The following ZFHX3 variants were observed in gnomAD, a reference collection of about 807,000 sequenced individuals.
The protein encoded by ZFHX3 is zinc finger homeobox 3, also known as zinc finger homeobox protein 3.
A neutral mutation model predicts 279.1 loss-of-function variants in ZFHX3; 42 were observed. The observed-to-expected ratio is 0.15, with a 90% CI of 0.12 to 0.19. ZFHX3 has a LOEUF of 0.19. ZFHX3 is among the 10% of genes least tolerant of loss of function. The pLI is 1.00. For missense variants in ZFHX3, 4,981 were observed against 4,754.0 expected, an observed-to-expected ratio of 1.05 and a Z score of -1.40; for synonymous variants, 2,293 against 1,957.8, an observed-to-expected ratio of 1.17 and a Z score of -4.52.
At chr16:73,186,637 A>G (rs1376207728) in intron 5 of ZFHX3, among the ~76,000 whole-genome samples, 1 of 152,000 alleles carries the variant, frequency 6.6e-6, no homozygotes, top group African/African-American at 2.4e-5. Flanking sequence ...TTCTTCATGA[A>G]AAACATATCT....
chr16:73,133,547 C>G (rs764224661), intron 6 of ZFHX3, among the ~76,000 whole-genome samples: 9 of 152,112 alleles, frequency 5.9e-5, no homozygotes, highest in Non-Finnish European at 1.3e-4. Flanking sequence ...GAGATTCGGA[C>G]ACAGACACAT....
rs185483232 is a variant in ZFHX3, at chr16:72,962,297, G to A, written c.-49-2103C>T. Among the ~76,000 whole-genome samples, 285 of 152,316 alleles carry A rather than the reference G, an allele frequency of 1.9e-3. 1 individual carries two copies. Among genetic ancestry groups the A allele is most frequent in the Non-Finnish European group, 3.2e-3 (217 of 68,038 alleles). ...TTAATTGGTGGGCTTCTCTTGCTCC[G>A]TTCTCCTCTTATTCCTCCTCCTCTT... On this transcript the variant is annotated intron_variant, in intron 1 of 9. Coordinates refer to ENST00000268489, the MANE Select transcript of ZFHX3 (RefSeq NM_006885.4).
At chr16:73,097,879 G>T (rs777770503) in intron 7 of ZFHX3, among the ~76,000 whole-genome samples, 1 of 152,040 alleles carries the variant, frequency 6.6e-6, no homozygotes, top group Non-Finnish European at 1.5e-5. Context: ...ATGTTTTCAA[G>T]GTTCATCCAT....
chr16:73,776,757 G>A (rs1432444384), intron 1 of ZFHX3, among the ~76,000 whole-genome samples: 1 of 152,096 alleles, frequency 6.6e-6, no homozygotes, highest in Non-Finnish European at 1.5e-5. Context: ...GTAAATCTCA[G>A]CCATGATTGC....
At chr16:73,496,069 A>G (rs563821394) in intron 2 of ZFHX3, among the ~76,000 whole-genome samples, 1 of 152,212 alleles carries the variant, frequency 6.6e-6, no homozygotes, top group Non-Finnish European at 1.5e-5. Context: ...CGGAGCACAC[A>G]TGGCTGATTT....
chr16:72,848,617 C>A lies in ZFHX3; in HGVS notation c.3449-18758G>T, dbSNP rs187163284. On this transcript the variant is annotated intron_variant, in intron 4 of 9. Transcript: ENST00000268489. The stretch of plus-strand genomic sequence containing the variant: ...CCTTCGGCGGCCTCCCAGGCTGGGT[C>A]TGCGGCCATCACCCTGTGCCCCCCC... Among the ~76,000 whole-genome samples, 4 of 152,006 alleles carry A rather than the reference C, an allele frequency of 2.6e-5. No homozygotes were observed. The East Asian group carries it at 7.8e-4, about 30-fold the overall frequency.
At chr16:73,483,418 A>G in intron 2 of ZFHX3, 1 of 455,418 alleles carries the variant, frequency 2.2e-6, no homozygotes, top group South Asian at 1.5e-5. Context: ...GGGCTGGAAG[A>G]AAAGATGAGA....
intron 1 of ZFHX3, among the ~76,000 whole-genome samples, chr16:73,724,123 G>T (rs932113047): frequency 6.6e-6 from 1 of 152,188 alleles, no homozygotes; most frequent in African/African-American, 2.4e-5. Context: ...AATAAGGTTA[G>T]GTGGAAAATA....
At chr16:73,057,081 T>C (rs1965571587) in intron 1 of ZFHX3, among the ~76,000 whole-genome samples, 1 of 152,108 alleles carries the variant, frequency 6.6e-6, no homozygotes, top group Non-Finnish European at 1.5e-5. Flanking sequence ...AAAAAGGCAA[T>C]CAGCATGCTC....
intron 3 of ZFHX3, among the ~76,000 whole-genome samples, chr16:73,339,799 T>C (rs2143253762): frequency 6.6e-6 from 1 of 152,304 alleles, no homozygotes; most frequent in African/African-American, 2.4e-5. Context: ...AGCATTTCTT[T>C]GGGGCATCAG....
chr16:73,286,294 T>A (rs2014594651), intron 4 of ZFHX3, among the ~76,000 whole-genome samples: 1 of 152,166 alleles, frequency 6.6e-6, no homozygotes. Context: ...AACCTGATTT[T>A]CAAAGCTGCA....
At chr16:73,676,614 A>G (rs1384514610) in intron 2 of ZFHX3, among the ~76,000 whole-genome samples, 1 of 151,998 alleles carries the variant, frequency 6.6e-6, no homozygotes, top group Non-Finnish European at 1.5e-5. Context: ...CAATAAGGCT[A>G]ATATTTTATT....
intron 5 of ZFHX3, among the ~76,000 whole-genome samples, chr16:73,243,457 T>A (rs2013185833): frequency 6.6e-6 from 1 of 152,216 alleles, no homozygotes; most frequent in African/African-American, 2.4e-5. Context: ...AGATGTAACT[T>A]CATCAGAATA....
chr16:73,142,798 G>C (rs1173563883), intron 6 of ZFHX3, among the ~76,000 whole-genome samples: 1 of 152,236 alleles, frequency 6.6e-6, no homozygotes, highest in African/African-American at 2.4e-5. Flanking sequence ...CCCTGTTTGA[G>C]AGTCATAATA....
chr16:72,906,866 G>A (rs1047133771), intron 3 of ZFHX3, among the ~76,000 whole-genome samples: 37 of 152,178 alleles, frequency 2.4e-4, no homozygotes, highest in Admixed American at 2.2e-3. Flanking sequence ...TAGGAGTTGG[G>A]GAGGAGCAAA....
At chr16:73,336,085 G>A (rs980529304) in intron 3 of ZFHX3, among the ~76,000 whole-genome samples, 2 of 152,140 alleles carry the variant, frequency 1.3e-5, no homozygotes, top group Non-Finnish European at 2.9e-5. Context: ...GCTCCCATTC[G>A]TTCTGGGGTG....
At chr16:73,203,201 T>C (rs748195052) in intron 5 of ZFHX3, among the ~76,000 whole-genome samples, 3 of 152,154 alleles carry the variant, frequency 2.0e-5, no homozygotes, top group Non-Finnish European at 4.4e-5. Context: ...GGGTCGAGAC[T>C]ATGCATCAAC....
At chr16:73,313,942 T>C (rs1281752839) in intron 4 of ZFHX3, among the ~76,000 whole-genome samples, 1 of 152,134 alleles carries the variant, frequency 6.6e-6, no homozygotes, top group African/African-American at 2.4e-5. Flanking sequence ...ACCCCATTTC[T>C]ACAAAAATTA....
At chr16:73,548,451 A>G (rs1596992048) in intron 2 of ZFHX3, among the ~76,000 whole-genome samples, 1 of 148,926 alleles carries the variant, frequency 6.7e-6, no homozygotes, top group African/African-American at 2.5e-5. Context: ...GACTTTTGAC[A>G]CTTTGGGTGT....
Sources: allele counts gnomAD v4.1 joint callset (sites outside exome capture counted in the v4.1 genomes callset), GRCh38; gene constraint gnomAD v4.1.1; transcripts MANE v1.5; gene names NCBI Gene and HGNC (gene_info 2026-07-23, HGNC 2026-07-21).